Variants in BRAF observed in about 807,000 individuals in gnomAD.
The protein encoded by BRAF is serine/threonine-protein kinase B-raf.
Under a neutral mutation model 104.6 loss-of-function variants are expected in BRAF, and 16 were observed. The ratio of observed to expected loss-of-function variants is 0.15; its 90% confidence interval spans 0.10 to 0.23. The LOEUF is 0.23. Among genes scored for constraint, BRAF ranks in the 10% least tolerant of loss-of-function variants. The pLI, the probability that BRAF is intolerant of heterozygous loss-of-function variation, is 1.00. For synonymous variants in BRAF, 310 were observed against 341.6 expected, an observed-to-expected ratio of 0.91 and a Z score of 1.02; for missense variants, 541 against 937.3, an observed-to-expected ratio of 0.58 and a Z score of 5.52.
At chr7:140,732,840 G>C (rs1796089889) in intron 19 of BRAF, 1 of 152,158 alleles carries the variant, frequency 6.6e-6, no homozygotes, top group Non-Finnish European at 1.5e-5. Flanking sequence ...CAAACATTTG[G>C]AGCATTCCAC....
chr7:140,908,475 G>A (rs1816584069), intron 1 of BRAF, among the ~76,000 whole-genome samples: 1 of 151,874 alleles, frequency 6.6e-6, no homozygotes, highest in African/African-American at 2.4e-5. Context: ...CATCTGCCAG[G>A]CCATGGAAGT....
intron 7 of BRAF, chr7:140,799,666 T>TG (rs1184712471): frequency 1.3e-5 from 3 of 232,858 alleles, no homozygotes; most frequent in Non-Finnish European, 2.5e-5. Context: ...AATACCACCT[T>TG]CTTCATTAAG....
downstream of BRAF, among the ~76,000 whole-genome samples, chr7:140,715,416 C>T (rs1795110693): frequency 1.3e-5 from 2 of 152,106 alleles, no homozygotes; most frequent in Non-Finnish European, 2.9e-5. Flanking sequence ...TTTCATTTTT[C>T]CTTGTCTTCC....
intron 3 of BRAF, among the ~76,000 whole-genome samples, chr7:140,830,386 C>CT (rs1482448230): frequency 6.6e-6 from 1 of 152,154 alleles, no homozygotes; most frequent in Non-Finnish European, 1.5e-5. Context: ...GTCTTCAACC[C>CT]TTTGGCCTCC....
rs1349616295 is a variant in BRAF, at chr7:140,743,500, ACT to A, written c.2113-3556_2113-3555del. On this transcript the variant is annotated intron_variant, in intron 17 of 19. Transcript: ENST00000644969. Reference sequence around the variant, plus strand: ...AAAAAACCAAACACCGCATATTCTCACTCATAGGTGGGAATTGAACAATGAGA... The same window carrying A: ...AAAAAACCAAACACCGCATATTCTCACATAGGTGGGAATTGAACAATGAGA... Among the ~76,000 whole-genome samples, 33 of 152,040 alleles carry A rather than the reference ACT, an allele frequency of 2.2e-4. No homozygotes were observed. The East Asian group carries it at 6.0e-3, about 28-fold the overall frequency.
intron 2 of BRAF, among the ~76,000 whole-genome samples, chr7:140,845,809 C>G (rs1341941685): frequency 1.3e-5 from 2 of 152,074 alleles, no homozygotes; most frequent in African/African-American, 2.4e-5. Context: ...TCCTGAATTG[C>G]TGGGATTACA....
At chr7:140,825,722 C>G (rs1396891939) in intron 3 of BRAF, among the ~76,000 whole-genome samples, 2 of 152,158 alleles carry the variant, frequency 1.3e-5, no homozygotes, top group Non-Finnish European at 2.9e-5. Context: ...TTTACAGGTA[C>G]CTCTCAGTAC....
intron 2 of BRAF, among the ~76,000 whole-genome samples, chr7:140,840,246 AAC>A (rs1393866662): frequency 6.6e-6 from 1 of 152,206 alleles, no homozygotes; most frequent in Admixed American, 6.5e-5. Flanking sequence ...TTAGGAAAAA[AAC>A]ACAGGAGTAA....
intron 2 of BRAF, among the ~76,000 whole-genome samples, chr7:140,847,315 G>A (rs149101445): frequency 1.3e-5 from 2 of 152,230 alleles, no homozygotes; most frequent in African/African-American, 4.8e-5. Context: ...AGGCACGGTG[G>A]CTCACGCCTG....
intron 3 of BRAF, among the ~76,000 whole-genome samples, chr7:140,825,235 TG>T (rs1805904461): frequency 1.3e-5 from 2 of 152,206 alleles, no homozygotes; most frequent in Admixed American, 1.3e-4. Flanking sequence ...CCCAAAGTGC[TG>T]GGATTACAGG....
intron 14 of BRAF, among the ~76,000 whole-genome samples, chr7:140,756,170 C>T (rs138920094): frequency 1.3e-4 from 20 of 151,962 alleles, no homozygotes; most frequent in Non-Finnish European, 2.5e-4. Flanking sequence ...AGTGATATAC[C>T]CAGCATAGAA....
intron 15 of BRAF, 30 bp downstream of exon 14, chr7:140,754,157 A>C (rs751094451): frequency 3.1e-6 from 5 of 1,606,554 alleles, no homozygotes; most frequent in Admixed American, 3.3e-5. Flanking sequence ...GATGTTTTCA[A>C]ACTTCGCAGA....
At chr7:140,814,342 T>C (rs1274630983) in intron 3 of BRAF, among the ~76,000 whole-genome samples, 1 of 152,196 alleles carries the variant, frequency 6.6e-6, no homozygotes, top group Non-Finnish European at 1.5e-5. Context: ...ATGATTCATA[T>C]ACTACTCTAC....
intron 17 of BRAF, among the ~76,000 whole-genome samples, chr7:140,746,852 G>GA (rs1247636837): frequency 1.4e-4 from 21 of 144,866 alleles, no homozygotes; most frequent in South Asian, 4.4e-4. Context: ...AAAGAAAAAA[G>GA]AAAAAAAAAA....
intron 1 of BRAF, among the ~76,000 whole-genome samples, chr7:140,905,265 ATCTG>A (rs1816175806): frequency 6.6e-6 from 1 of 152,212 alleles, no homozygotes; most frequent in Admixed American, 6.5e-5. Context: ...AGACTGAGAA[ATCTG>A]TCTATTTCTT....
chr7:140,889,344 C>T (rs1418603961), intron 1 of BRAF, among the ~76,000 whole-genome samples: 1 of 152,142 alleles, frequency 6.6e-6, no homozygotes, highest in Non-Finnish European at 1.5e-5. Flanking sequence ...CTTGAAACAT[C>T]AGCAAAAACC....
rs1236723948 is a variant in BRAF at position 140,838,600 on chromosome 7, G to A, written c.241-3728C>T. 3.3e-5 allele frequency among the ~76,000 whole-genome samples: 5 copies of A among 152,160 alleles called. No individual in the cohort carries two copies. In the East Asian group the frequency reaches 9.7e-4, roughly 29 times the overall value. On this transcript the variant is annotated intron_variant, in intron 2 of 19. Transcript: ENST00000644969. ...ATCTCAATTTTTTTTTGTAGAAACT[G>A]ACAAGCTGATCTTAAAATTCATATG... is the stretch of plus-strand genomic sequence containing the variant.
chr7:140,807,839 A>G (rs924369905), intron 5 of BRAF, 121 bp downstream of exon 5: 14 of 700,752 alleles, frequency 2.0e-5, no homozygotes, highest in Non-Finnish European at 2.9e-5. Context: ...AACTGATTTC[A>G]ACTCAGGTAA....
At position 140,785,534 on chromosome 7, in the gene BRAF, G is replaced by A. The variant is rs75772973; in HGVS notation, c.1297+155C>T. ...TTGTGGCAGTGAGTACGTGTGAGAC[G>A]TACATTCAAAGCATTCCAGCCAGGC... On this transcript the variant is annotated intron_variant, in intron 10 of 19. Coordinates refer to ENST00000644969, the MANE Select transcript of BRAF (RefSeq NM_001374258.1). 7.3e-3 allele frequency among the ~76,000 whole-genome samples: 1,113 copies of A among 152,276 alleles called. 25 individuals are homozygous for A. The East Asian group carries it at 0.074, about 10-fold the overall frequency.
Sources: gnomAD v4.1 joint callset for allele counts (sites outside exome capture counted in the v4.1 genomes callset) on GRCh38, gnomAD v4.1.1 for gene constraint, MANE v1.5 for transcripts, NCBI Gene and HGNC (gene_info 2026-07-23, HGNC 2026-07-21) for gene names.